SLC5A1: variants seen among roughly 807,000 people sequenced by gnomAD.
SLC5A1 encodes the protein sodium/glucose cotransporter 1.
In SLC5A1, 42 loss-of-function variants were observed where a neutral mutation model predicts 73.5. The observed-to-expected ratio is 0.57, with a 90% CI of 0.45 to 0.74. The LOEUF (loss-of-function observed/expected upper bound fraction) is 0.74, where lower values mean the gene tolerates loss of function less well. SLC5A1 is among the 30% of genes least tolerant of loss of function. The pLI is 0.00. For missense variants in SLC5A1, 634 were observed against 855.4 expected (o/e 0.74, Z 3.23); for synonymous variants, 300 against 317.4 (o/e 0.95, Z 0.58).
At position 32,070,825 on chromosome 22, in the gene SLC5A1, A is replaced by AT. The variant is rs535767015; in HGVS notation, c.477+2233dup. The stretch of plus-strand genomic sequence containing the variant: ...AGTTTGCTTGTAGATTTTAGTGTGC[A>AT]TTTTTTTTGTCCCCAAGGTGACTGT... On this transcript the variant is annotated intron_variant, in intron 5 of 14. Transcript: ENST00000266088. Among the ~76,000 whole-genome samples, 27 of 152,142 alleles carry AT rather than the reference A, an allele frequency of 1.8e-4. No homozygotes were observed. The South Asian group carries it at 5.2e-3, about 29-fold the overall frequency.
chr22:32,082,088 A>G (rs1439199806), intron 6 of SLC5A1, 117 bp downstream of exon 6: 3 of 753,364 alleles, frequency 4.0e-6, no homozygotes, highest in African/African-American at 3.4e-5. Context: ...CACTCAGGTA[A>G]GAGTTTGGGA....
intron 2 of SLC5A1, among the ~76,000 whole-genome samples, chr22:32,057,185 T>C (rs1200570628): frequency 2.0e-5 from 3 of 152,202 alleles, no homozygotes; most frequent in Non-Finnish European, 4.4e-5. Context: ...TACTTTCAAG[T>C]ATGATTATTG....
rs1010217720 is a variant in SLC5A1, at chr22:32,043,967, G to A, written c.135+551G>A. ...TTGTGCATGAGGATCCCAGGGGCTG[G>A]ATCAAGTTAGAGATGAGAAAGATGG... is the stretch of plus-strand genomic sequence containing the variant. On this transcript the variant is annotated intron_variant, in intron 1 of 14. Transcript: ENST00000266088. The surrounding 1 kb of genome is among the most constrained non-coding windows in gnomAD (Gnocchi z 6.5). Among the ~76,000 whole-genome samples, 3 of 152,192 alleles carry A rather than the reference G, an allele frequency of 2.0e-5. No individual in the cohort carries two copies. Among genetic ancestry groups the A allele is most frequent in the Non-Finnish European group, 4.4e-5 (3 of 68,040 alleles).
intron 6 of SLC5A1, among the ~76,000 whole-genome samples, chr22:32,082,255 G>A (rs1569310003): frequency 6.6e-6 from 1 of 152,196 alleles, no homozygotes; most frequent in Non-Finnish European, 1.5e-5. Context: ...GCTAAGGTGG[G>A]AGAATCAGAG....
intron 14 of SLC5A1, among the ~76,000 whole-genome samples, chr22:32,109,083 G>A (rs1442656900): frequency 3.3e-5 from 5 of 152,200 alleles, no homozygotes; most frequent in African/African-American, 1.2e-4. Flanking sequence ...CGAGGTGGGG[G>A]GGATCATTTG....
At position 32,109,975 on chromosome 22, in the gene SLC5A1, T is replaced by C; in HGVS notation, c.1772-15T>C. The C allele has an allele frequency of 6.2e-7, 1 of 1,610,152 alleles. No homozygotes were observed. Among genetic ancestry groups the C allele is most frequent in the Non-Finnish European group, 8.5e-7 (1 of 1,176,430 alleles). On this transcript the variant is annotated splice_polypyrimidine_tract_variant and intron_variant, in intron 14 of 14. Coordinates refer to ENST00000266088, the MANE Select transcript of SLC5A1 (RefSeq NM_000343.4). ...CTGCTTCTGTGTCCAATAATTCTTC[T>C]ATGCCTTTGCCCAGAAACACAAGTT...
intron 6 of SLC5A1, 158 bp from the exon 7 acceptor site, chr22:32,082,916 T>C: frequency 1.4e-6 from 1 of 696,972 alleles, no homozygotes; most frequent in Non-Finnish European, 2.6e-6. Context: ...CAAAATACTG[T>C]AACAGGACAA....
In SLC5A1 at chr22:32,102,035, G is replaced by T; in HGVS notation, c.1463G>T (p.Gly488Val). Reference protein sequence around the residue: ...KRVNEPGAFWGLILGLLIGIS... With the variant: ...KRVNEPGAFWVLILGLLIGIS... Reference sequence around the variant, plus strand: ...TTTCTTTCACAGGGAGCCTTTTGGGGACTGATCCTAGGACTTCTGATTGGG... The same window carrying T: ...TTTCTTTCACAGGGAGCCTTTTGGGTACTGATCCTAGGACTTCTGATTGGG... The change falls in exon 13 of 15, where the codon GGA (glycine) becomes GTA (valine). Residue 488 changes from glycine (G) to valine (V), a missense_variant. Coordinates refer to ENST00000266088, the MANE Select transcript of SLC5A1 (RefSeq NM_000343.4). 6.2e-7 allele frequency: 1 copy of T among 1,613,944 alleles called. No homozygotes were observed. Among genetic ancestry groups the T allele is most frequent in the South Asian group, 1.1e-5 (1 of 91,070 alleles).
chr22:32,057,902 G>A (rs1160703303), intron 2 of SLC5A1, among the ~76,000 whole-genome samples: 3 of 152,084 alleles, frequency 2.0e-5, no homozygotes, highest in African/African-American at 7.2e-5. Flanking sequence ...TTTGCTTTCA[G>A]TCCTCAGGCT....
chr22:32,098,482 C>T (rs183664139), intron 11 of SLC5A1, among the ~76,000 whole-genome samples: 6 of 152,160 alleles, frequency 3.9e-5, no homozygotes, highest in Non-Finnish European at 8.8e-5. Context: ...AGAAATGTCT[C>T]CTATGTCACA....
At chr22:32,085,777 G>C (rs2094007227) in intron 9 of SLC5A1, among the ~76,000 whole-genome samples, 1 of 152,078 alleles carries the variant, frequency 6.6e-6, no homozygotes, top group Admixed American at 6.5e-5. Context: ...GGGTTCTGTG[G>C]AGAGCTGCAC....
At chr22:32,061,216 G>A (rs886662308) in intron 2 of SLC5A1, among the ~76,000 whole-genome samples, 59 of 152,232 alleles carry the variant, frequency 3.9e-4, no homozygotes, top group Admixed American at 1.2e-3. Context: ...CTGAGGTCAG[G>A]AGTTCAAGAC....
intron 2 of SLC5A1, among the ~76,000 whole-genome samples, chr22:32,060,252 C>T (rs1213130854): frequency 6.6e-6 from 1 of 151,868 alleles, no homozygotes; most frequent in South Asian, 2.1e-4. Context: ...AGCCCAATAG[C>T]GCGATCTCGG....
intron 14 of SLC5A1, among the ~76,000 whole-genome samples, chr22:32,109,721 A>G (rs1359443531): frequency 6.6e-6 from 1 of 152,196 alleles, no homozygotes; most frequent in Admixed American, 6.5e-5. Context: ...ATCAAAATGA[A>G]TTTGCATTGG....
At chr22:32,091,556 A>G in intron 10 of SLC5A1, 56 bp from the exon 11 acceptor site, 1 of 1,600,002 alleles carries the variant, frequency 6.2e-7, no homozygotes, top group Admixed American at 1.7e-5. Context: ...ATATTTTTCA[A>G]GTACAAAAGA....
At chr22:32,091,805 G>T (rs1255683786) in intron 11 of SLC5A1, 43 bp downstream of exon 11, 2 of 1,607,246 alleles carry the variant, frequency 1.2e-6, no homozygotes, top group Non-Finnish European at 1.7e-6. Flanking sequence ...TGAATGATCA[G>T]AGAGGTTCCA....
chr22:32,090,435 A>G, intron 10 of SLC5A1, among the ~76,000 whole-genome samples: 1 of 152,266 alleles, frequency 6.6e-6, no homozygotes, highest in South Asian at 2.1e-4. Flanking sequence ...CTTTTACTTA[A>G]CATAATGTTT....
intron 5 of SLC5A1, among the ~76,000 whole-genome samples, chr22:32,074,824 G>T (rs1378189461): frequency 6.6e-5 from 10 of 152,114 alleles, no homozygotes; most frequent in Non-Finnish European, 1.5e-4. Flanking sequence ...TCGTCATTTA[G>T]TCTCCAACAG....
At chr22:32,106,233 T>C (rs1264440769) in intron 14 of SLC5A1, among the ~76,000 whole-genome samples, 1 of 152,238 alleles carries the variant, frequency 6.6e-6, no homozygotes, top group Non-Finnish European at 1.5e-5. Context: ...CATTTGTTAT[T>C]GCCTGTCTTT....
Sources: allele counts gnomAD v4.1 joint callset (sites outside exome capture counted in the v4.1 genomes callset), GRCh38; gene constraint gnomAD v4.1.1; non-coding constraint Gnocchi (gnomAD v3.1); transcripts MANE v1.5; gene names NCBI Gene and HGNC (gene_info 2026-07-23, HGNC 2026-07-21).